Variants in OPCML observed in about 807,000 individuals in gnomAD.
OPCML encodes the protein opioid binding protein/cell adhesion molecule like.
Under a neutral mutation model 37.8 loss-of-function variants are expected in OPCML, and 13 were observed. The observed-to-expected ratio is 0.34, with a 90% confidence interval of 0.22 to 0.55. OPCML has a LOEUF of 0.55. OPCML is among the 20% of genes least tolerant of loss of function. OPCML has a pLI of 0.91. For missense variants in OPCML, 341 were observed against 435.6 expected, an observed-to-expected ratio of 0.78 and a Z score of 1.93; for synonymous variants, 176 against 168.8, an observed-to-expected ratio of 1.04 and a Z score of -0.33.
intron 1 of OPCML, among the ~76,000 whole-genome samples, chr11:132,944,246 C>G (rs576644655): frequency 1.4e-3 from 206 of 152,244 alleles, no homozygotes; most frequent in African/African-American, 4.8e-3. Context: ...CTGGGGAAAG[C>G]AGCAAACTGA....
intron 4 of OPCML, among the ~76,000 whole-genome samples, chr11:132,481,853 G>T (rs1400091447): frequency 6.7e-6 from 1 of 150,308 alleles, no homozygotes; most frequent in Non-Finnish European, 1.5e-5. Context: ...CAGAAATAAA[G>T]ATGTTCTTTG....
At chr11:132,430,011 TGA>T (rs1280288659) in intron 7 of OPCML, among the ~76,000 whole-genome samples, 1 of 151,626 alleles carries the variant, frequency 6.6e-6, no homozygotes, top group Non-Finnish European at 1.5e-5. Flanking sequence ...CATTGTGGGG[TGA>T]GAGGGGCTCT....
At chr11:132,550,991 C>G (rs1046510833) in intron 3 of OPCML, among the ~76,000 whole-genome samples, 10 of 152,198 alleles carry the variant, frequency 6.6e-5, no homozygotes, top group African/African-American at 2.4e-4. Context: ...GAATCTGGCT[C>G]ATTTACAAAT....
chr11:133,320,411 G>A (rs1263115265), intron 1 of OPCML, among the ~76,000 whole-genome samples: 1 of 152,256 alleles, frequency 6.6e-6, no homozygotes, highest in Middle Eastern at 3.4e-3. Context: ...CCTTTCAGAA[G>A]TTTTCTCCTC....
chr11:132,582,508 C>A (rs1462678843), intron 3 of OPCML, among the ~76,000 whole-genome samples: 25 of 152,016 alleles, frequency 1.6e-4, no homozygotes, highest in Admixed American at 1.6e-3. Context: ...TTTTGGAAAC[C>A]ACTACTACAC....
intron 4 of OPCML, among the ~76,000 whole-genome samples, chr11:132,496,878 A>C (rs1382419245): frequency 6.6e-6 from 1 of 152,212 alleles, no homozygotes; most frequent in Non-Finnish European, 1.5e-5. Context: ...TGCCCTACAG[A>C]GCCTTCCATA....
chr11:132,851,362 T>C (rs1565910121), intron 2 of OPCML, among the ~76,000 whole-genome samples: 1 of 152,270 alleles, frequency 6.6e-6, no homozygotes, highest in East Asian at 1.9e-4. Flanking sequence ...TATCTACATG[T>C]CAAAAGGTCT....
intron 1 of OPCML, among the ~76,000 whole-genome samples, chr11:133,410,670 A>AAAAAAAAAAAAAAC (rs1945632218): frequency 7.9e-6 from 1 of 126,404 alleles, no homozygotes; most frequent in Non-Finnish European, 1.6e-5. Context: ...AAAAAAAAAA[A>AAAAAAAAAAAAAAC]AAAGACCTCT....
intron 1 of OPCML, among the ~76,000 whole-genome samples, chr11:132,962,663 A>G (rs1278930225): frequency 6.6e-6 from 1 of 152,112 alleles, no homozygotes; most frequent in East Asian, 1.9e-4. Context: ...CATGTTTCCC[A>G]CCGACCCCAG....
At chr11:132,911,661 TCTC>T (rs1332044044) in intron 2 of OPCML, among the ~76,000 whole-genome samples, 2 of 152,090 alleles carry the variant, frequency 1.3e-5, no homozygotes, top group African/African-American at 2.4e-5. Flanking sequence ...AGGGGACCCT[TCTC>T]CTCTGTCCTC....
Position 132,436,787 on chromosome 11 carries a change from A to G in OPCML, c.644-8T>C, listed in dbSNP as rs1404995716. On this transcript the variant is annotated splice_region_variant and splice_polypyrimidine_tract_variant and intron_variant, in intron 5 of 7. Coordinates refer to ENST00000524381, the MANE Select transcript of OPCML (RefSeq NM_001012393.5). ...TTGAGATATAGGGAGGATCTGTGGG[A>G]AACACACACACACACATGCACAGGC... The G allele has an allele frequency of 3.1e-6, 5 of 1,613,872 alleles. No homozygotes were observed. In the South Asian group the frequency reaches 5.5e-5, roughly 18 times the overall value.
At chr11:132,839,450 G>A (rs1462420542) in intron 2 of OPCML, among the ~76,000 whole-genome samples, 1 of 152,218 alleles carries the variant, frequency 6.6e-6, no homozygotes, top group East Asian at 1.9e-4. Context: ...TGGCTGCAAT[G>A]GCCGCTTTCC....
chr11:132,832,654 C>A (rs1429174617), intron 2 of OPCML, among the ~76,000 whole-genome samples: 7 of 152,154 alleles, frequency 4.6e-5, no homozygotes, highest in African/African-American at 1.4e-4. Context: ...TTGCAGTGAG[C>A]AGGACTTTTC....
intron 2 of OPCML, among the ~76,000 whole-genome samples, chr11:132,922,835 G>A (rs1247922121): frequency 6.6e-6 from 1 of 152,114 alleles, no homozygotes; most frequent in East Asian, 1.9e-4. Context: ...CACTTCGGGA[G>A]GCTGAGGTGG....
At chr11:133,417,164 G>T (rs1245819445) in intron 1 of OPCML, among the ~76,000 whole-genome samples, 1 of 152,156 alleles carries the variant, frequency 6.6e-6, no homozygotes, top group African/African-American at 2.4e-5. Context: ...AACATTAAGA[G>T]AGTGTTTCCC....
chr11:133,080,255 C>T (rs541318493), intron 1 of OPCML, among the ~76,000 whole-genome samples: 16 of 152,154 alleles, frequency 1.1e-4, no homozygotes, highest in Non-Finnish European at 1.9e-4. Context: ...GTCCCCTCAT[C>T]ACCCATGCGG....
chr11:133,422,389 ATATATG>A lies in OPCML; in HGVS notation c.61+109869_61+109874del, dbSNP rs1255761301. On this transcript the variant is annotated intron_variant, in intron 1 of 7. Coordinates refer to ENST00000524381, the MANE Select transcript of OPCML (RefSeq NM_001012393.5). ...CAGACCAAAGACATTATATATATAT[ATATATG>A]TATATATGCGCCAGTTCAAACCCTT... 275 of 925,402 alleles carry A rather than the reference ATATATG, an allele frequency of 3.0e-4. 7 individuals are homozygous for A. The highest frequency in any genetic ancestry group is 5.3e-4 in the Admixed American group (8 of 15,134). 57.3% of individuals were successfully genotyped at this position (925,402 alleles called of 1,614,324 possible). A position where few individuals can be genotyped will look rare whatever the true frequency, so the allele number is the denominator to read the frequency against.
At chr11:133,385,914 CT>C (rs1565606763) in intron 1 of OPCML, among the ~76,000 whole-genome samples, 1 of 151,680 alleles carries the variant, frequency 6.6e-6, no homozygotes, top group African/African-American at 2.4e-5. Context: ...GATGTTTTCT[CT>C]TTTTTTCTCT....
rs931883208 is a variant in OPCML, at chr11:132,528,438, T to C, written c.505+623A>G. On this transcript the variant is annotated intron_variant, in intron 4 of 7. Transcript: ENST00000524381. ...TTCAAGTTTGACTTGGGGCAAGTTTTATTTCCAAGAGGGCAAGCCCCACTG... is the reference window on the plus strand; with the variant it reads ...TTCAAGTTTGACTTGGGGCAAGTTTCATTTCCAAGAGGGCAAGCCCCACTG... Among the ~76,000 whole-genome samples, 7 of 152,354 alleles carry C rather than the reference T, an allele frequency of 4.6e-5. No homozygotes were observed. In the East Asian group the frequency reaches 1.2e-3, roughly 25 times the overall value.
Sources: allele counts gnomAD v4.1 joint callset (sites outside exome capture counted in the v4.1 genomes callset), GRCh38; gene constraint gnomAD v4.1.1; transcripts MANE v1.5; gene names NCBI Gene and HGNC (gene_info 2026-07-23, HGNC 2026-07-21).